CASK: variants seen among roughly 807,000 people sequenced by gnomAD.
CASK encodes peripheral plasma membrane protein CASK.
CASK carries 4 observed loss-of-function variants against 82.9 expected under a neutral mutation model. The ratio of observed to expected loss-of-function variants is 0.05; its 90% CI spans 0.02 to 0.11. CASK has a LOEUF of 0.11. Ranked by LOEUF, CASK falls within the 10% of genes least tolerant of loss-of-function variation. CASK has a pLI of 1.00. For synonymous variants in CASK, 259 were observed against 253.5 expected (o/e 1.02, Z -0.20); for missense variants, 358 against 720.9 (o/e 0.50, Z 5.76).
At chrX:41,900,596 GTTCT>G (rs1266329049) in intron 1 of CASK, among the ~76,000 whole-genome samples, 4 of 55,482 alleles carry the variant, frequency 7.2e-5, no homozygotes, top group African/African-American at 2.5e-4. Context: ...TTTCTGTTTG[GTTCT>G]TTTTTTTTTT....
intron 2 of CASK, among the ~76,000 whole-genome samples, chrX:41,805,086 T>G (rs1243013773): frequency 9.0e-6 from 1 of 111,677 alleles, no homozygotes; most frequent in African/African-American, 3.3e-5. Context: ...CCTTTTCTTG[T>G]TTTATTTCTT....
intron 2 of CASK, among the ~76,000 whole-genome samples, chrX:41,802,358 G>A (rs944393581): frequency 9.0e-6 from 1 of 111,249 alleles, no homozygotes; most frequent in Non-Finnish European, 1.9e-5. Context: ...TCAAAGTAGA[G>A]CAAAAAGATA....
chrX:41,921,451 A>C (rs2072778865), intron 1 of CASK, among the ~76,000 whole-genome samples: 1 of 112,332 alleles, frequency 8.9e-6, no homozygotes, highest in African/African-American at 3.2e-5. Context: ...ATTTTATTAA[A>C]ATTAATTGCA....
chrX:41,824,601 G>A (rs182820468), intron 2 of CASK, among the ~76,000 whole-genome samples: 1 of 111,898 alleles, frequency 8.9e-6, no homozygotes, highest in Non-Finnish European at 1.9e-5. Context: ...ACAGCAGAGC[G>A]CTGCTGGCAA....
intron 1 of CASK, among the ~76,000 whole-genome samples, chrX:41,874,953 G>A (rs529777498): frequency 1.2e-4 from 14 of 112,511 alleles, no homozygotes; most frequent in African/African-American, 3.9e-4. Context: ...AATCACGAAT[G>A]GTAACAGATG....
intron 5 of CASK, among the ~76,000 whole-genome samples, chrX:41,722,417 G>A (rs141299316): frequency 8.9e-6 from 1 of 112,722 alleles, no homozygotes; most frequent in South Asian, 3.6e-4. Flanking sequence ...TCTTGAATTA[G>A]TTGCTTTGAG....
intron 22 of CASK, 117 bp downstream of exon 22, chrX:41,542,574 T>A: frequency 4.0e-6 from 2 of 498,498 alleles, no homozygotes; most frequent in African/African-American, 2.3e-5. Context: ...TTGATGAAGA[T>A]CTCATATGGT....
intron 5 of CASK, among the ~76,000 whole-genome samples, chrX:41,724,664 T>C (rs921364018): frequency 8.9e-6 from 1 of 111,866 alleles, no homozygotes; most frequent in Non-Finnish European, 1.9e-5. Context: ...TTGAAGGAGA[T>C]GTACATAGTA....
chrX:41,617,494 T>C (rs2066220404), intron 11 of CASK, among the ~76,000 whole-genome samples: 1 of 112,559 alleles, frequency 8.9e-6, no homozygotes, highest in Non-Finnish European at 1.9e-5. Context: ...TAAATACATA[T>C]TTTTGGCTTA....
At chrX:41,738,048 C>T (rs1306990121) in intron 5 of CASK, among the ~76,000 whole-genome samples, 4 of 113,263 alleles carry the variant, frequency 3.5e-5, no homozygotes, top group Non-Finnish European at 7.5e-5. Flanking sequence ...AATCTCGGCT[C>T]ACTGCAACCT....
chrX:41,777,019 T>C (rs1215649943), intron 3 of CASK, among the ~76,000 whole-genome samples: 1 of 111,854 alleles, frequency 8.9e-6, no homozygotes, highest in Non-Finnish European at 1.9e-5. Context: ...AAGGATCTGC[T>C]CTACAAAATA....
rs925961407 is a variant in CASK, at chrX:41,865,971, G to C, written c.60-12744C>G. On this transcript the variant is annotated intron_variant, in intron 1 of 26. Transcript: ENST00000378163. ...GAGGTGGAGGGCAGGAAGACACATG[G>C]CTTCGCTGCGGCTGCAGCTGCTTAC... Among the ~76,000 whole-genome samples, 5 of 112,328 alleles carry C rather than the reference G, an allele frequency of 4.5e-5. No individual in the cohort carries two copies. In the South Asian group the frequency reaches 1.5e-3, roughly 33 times the overall value.
chrX:41,838,203 T>C (rs1303216269), intron 2 of CASK, among the ~76,000 whole-genome samples: 1 of 111,988 alleles, frequency 8.9e-6, no homozygotes, highest in Non-Finnish European at 1.9e-5. Context: ...TATCTTATTG[T>C]GGCTTTAATT....
chrX:41,571,218 G>A (rs1270542168), intron 15 of CASK, among the ~76,000 whole-genome samples: 2 of 111,418 alleles, frequency 1.8e-5, no homozygotes, highest in Middle Eastern at 4.7e-3. Context: ...TCAATGTTTT[G>A]AAAAGAGTTT....
intron 3 of CASK, among the ~76,000 whole-genome samples, chrX:41,759,059 TTTG>T (rs943260460): frequency 1.8e-5 from 2 of 112,473 alleles, no homozygotes; most frequent in Non-Finnish European, 3.8e-5. Flanking sequence ...TTTTTCAATT[TTTG>T]TTAAATCTAT....
At chrX:41,582,305 T>G (rs900815856) in intron 14 of CASK, among the ~76,000 whole-genome samples, 1 of 111,930 alleles carries the variant, frequency 8.9e-6, no homozygotes, top group Non-Finnish European at 1.9e-5. Context: ...TGGAAGGCTT[T>G]TATTTATTTA....
intron 8 of CASK, among the ~76,000 whole-genome samples, chrX:41,641,948 A>G (rs2066663914): frequency 1.1e-5 from 1 of 92,226 alleles, no homozygotes; most frequent in African/African-American, 4.3e-5. Context: ...CCCTGTGTCC[A>G]AGTGTTCTCA....
At chrX:41,798,810 A>G (rs1008363027) in intron 2 of CASK, among the ~76,000 whole-genome samples, 1 of 107,141 alleles carries the variant, frequency 9.3e-6, no homozygotes, top group African/African-American at 3.3e-5. Context: ...ACTCCAGCCT[A>G]GGTGACAGAG....
At chrX:41,745,351 C>T (rs1602560517) in intron 4 of CASK, 173 bp downstream of exon 4, 5 of 478,667 alleles carry the variant, frequency 1.0e-5, no homozygotes, top group African/African-American at 2.4e-5. Context: ...ACTCATTGTT[C>T]GGTATTTTGC....
Sources: gnomAD v4.1 joint callset for allele counts (sites outside exome capture counted in the v4.1 genomes callset) on GRCh38, gnomAD v4.1.1 for gene constraint, MANE v1.5 for transcripts, NCBI Gene and HGNC (gene_info 2026-07-23, HGNC 2026-07-21) for gene names.